The following ROBO2 variants were observed in gnomAD, a reference collection of about 807,000 sequenced individuals.
ROBO2 encodes the protein roundabout guidance receptor 2.
In ROBO2, 53 loss-of-function variants were observed where a neutral mutation model predicts 160.8. That is an observed-to-expected ratio of 0.33 (90% CI 0.26 to 0.41). The LOEUF is 0.41. Among genes scored for constraint, ROBO2 ranks in the 10% least tolerant of loss-of-function variants. The pLI is 1.00. For missense variants in ROBO2, 1,577 were observed against 1,722.4 expected (o/e 0.92, Z 1.49); for synonymous variants, 664 against 611.7 (o/e 1.09, Z -1.26).
chr3:76,185,084 A>G (rs1701680999), intron 2 of ROBO2, among the ~76,000 whole-genome samples: 1 of 151,172 alleles, frequency 6.6e-6, no homozygotes, highest in Non-Finnish European at 1.5e-5. Context: ...TGACACCTAT[A>G]GTAAATCATC....
chr3:77,445,802 T>G (rs200174646), intron 2 of ROBO2, among the ~76,000 whole-genome samples: 29,308 of 145,622 alleles, frequency 0.2, 3,643 homozygotes, highest in Middle Eastern at 0.31. Flanking sequence ...TTGTTTTTTT[T>G]TTTTTTTTTG....
chr3:76,503,133 G>A (rs2080575485), intron 2 of ROBO2, among the ~76,000 whole-genome samples: 1 of 152,092 alleles, frequency 6.6e-6, no homozygotes, highest in African/African-American at 2.4e-5. Flanking sequence ...CCCAGTCCAA[G>A]TCCCAAAACT....
intron 2 of ROBO2, among the ~76,000 whole-genome samples, chr3:76,459,312 G>C (rs1445462331): frequency 2.0e-5 from 3 of 152,098 alleles, no homozygotes; most frequent in Non-Finnish European, 2.9e-5. Flanking sequence ...GAAAGATCTA[G>C]ATGCAGATGC....
At chr3:75,964,622 A>C (rs1949040380) in intron 2 of ROBO2, among the ~76,000 whole-genome samples, 1 of 151,574 alleles carries the variant, frequency 6.6e-6, no homozygotes, top group Admixed American at 6.6e-5. Flanking sequence ...GATGCTTTAG[A>C]CAACATGAAA....
chr3:76,126,845 C>G (rs982280809), intron 2 of ROBO2, among the ~76,000 whole-genome samples: 1 of 151,932 alleles, frequency 6.6e-6, no homozygotes, highest in South Asian at 2.1e-4. Context: ...AAGTTTAGTA[C>G]CTGGAATGGT....
intron 2 of ROBO2, among the ~76,000 whole-genome samples, chr3:77,414,366 G>A (rs1267881241): frequency 6.6e-6 from 1 of 152,242 alleles, no homozygotes. Flanking sequence ...AGACTGTGGA[G>A]ATAGCAGGTA....
chr3:76,898,690 C>A (rs2148861080), intron 2 of ROBO2, among the ~76,000 whole-genome samples: 1 of 152,182 alleles, frequency 6.6e-6, no homozygotes, highest in South Asian at 2.1e-4. Context: ...TAGTCTTCAT[C>A]AGTTCAGTTA....
chr3:77,474,112 C>A (rs2083689060), intron 2 of ROBO2, among the ~76,000 whole-genome samples: 1 of 152,148 alleles, frequency 6.6e-6, no homozygotes, highest in Admixed American at 6.5e-5. Context: ...GGACAACAAA[C>A]CTGGGCAAAC....
intron 2 of ROBO2, among the ~76,000 whole-genome samples, chr3:76,747,402 T>C (rs1420831905): frequency 1.3e-5 from 2 of 152,168 alleles, no homozygotes; most frequent in Non-Finnish European, 2.9e-5. Context: ...ATTTTAACTG[T>C]ATATTTTTAG....
chr3:76,770,333 A>G (rs999927468), intron 2 of ROBO2, among the ~76,000 whole-genome samples: 1 of 151,290 alleles, frequency 6.6e-6, no homozygotes, highest in African/African-American at 2.4e-5. Flanking sequence ...CAGTGAAAAT[A>G]CTCACTTATT....
chr3:77,566,208 C>T (rs553966846), intron 12 of ROBO2, among the ~76,000 whole-genome samples: 1 of 152,044 alleles, frequency 6.6e-6, no homozygotes, highest in African/African-American at 2.4e-5. Flanking sequence ...AAAGTCACCA[C>T]GTGACTTTGT....
intron 2 of ROBO2, among the ~76,000 whole-genome samples, chr3:77,152,651 G>A (rs1335927724): frequency 2.0e-5 from 3 of 152,224 alleles, no homozygotes; most frequent in Non-Finnish European, 2.9e-5. Context: ...ACAAGATCCC[G>A]AAGTTACTGG....
At chr3:76,576,258 T>C (rs1020634247) in intron 2 of ROBO2, among the ~76,000 whole-genome samples, 3 of 152,150 alleles carry the variant, frequency 2.0e-5, no homozygotes, top group Admixed American at 6.6e-5. Flanking sequence ...TAACATGCAG[T>C]AGCCACATCA....
intron 2 of ROBO2, among the ~76,000 whole-genome samples, chr3:76,928,191 G>T (rs1189403215): frequency 1.3e-5 from 2 of 152,114 alleles, no homozygotes; most frequent in African/African-American, 4.8e-5. Flanking sequence ...AGGTAACATT[G>T]TTGGCTTTGA....
chr3:76,201,226 A>C (rs1702511127), intron 2 of ROBO2, among the ~76,000 whole-genome samples: 1 of 152,172 alleles, frequency 6.6e-6, no homozygotes. Flanking sequence ...CCATGCAGTG[A>C]GTTAGAAGTT....
chr3:77,541,668 G>T (rs1465895837), intron 6 of ROBO2, among the ~76,000 whole-genome samples: 1 of 152,148 alleles, frequency 6.6e-6, no homozygotes, highest in African/African-American at 2.4e-5. Flanking sequence ...CATTCTGTTT[G>T]CTTCGTCTCA....
chr3:77,545,575 TTTGTCA>T (rs1411675198), intron 6 of ROBO2, among the ~76,000 whole-genome samples: 1 of 152,084 alleles, frequency 6.6e-6, no homozygotes, highest in African/African-American at 2.4e-5. Flanking sequence ...CGTTTTTGTT[TTTGTCA>T]TTGTCATTGT....
At chr3:76,296,187 A>G (rs1479874266) in intron 2 of ROBO2, among the ~76,000 whole-genome samples, 2 of 152,224 alleles carry the variant, frequency 1.3e-5, no homozygotes, top group African/African-American at 2.4e-5. Flanking sequence ...TAATGTGGCC[A>G]CAAGCCAAGG....
chr3:77,609,069 T>C (rs575957836), intron 21 of ROBO2, among the ~76,000 whole-genome samples: 2 of 151,788 alleles, frequency 1.3e-5, no homozygotes, highest in African/African-American at 4.8e-5. Context: ...TATATATACA[T>C]ATATGCTCTA....
Sources: gnomAD v4.1 joint callset for allele counts (sites outside exome capture counted in the v4.1 genomes callset) on GRCh38, gnomAD v4.1.1 for gene constraint, MANE v1.5 for transcripts, NCBI Gene and HGNC (gene_info 2026-07-23, HGNC 2026-07-21) for gene names.